Variants in CENPU observed in about 807,000 individuals in gnomAD.
CENPU encodes centromere protein U.
A neutral mutation model predicts 56.7 loss-of-function variants in CENPU; 46 were observed. The observed-to-expected ratio is 0.81, with a 90% confidence interval of 0.64 to 1.04. The LOEUF (loss-of-function observed/expected upper bound fraction) is 1.04. Ranked by LOEUF, CENPU falls within the 50% of genes least tolerant of loss-of-function variation. CENPU has a pLI of 0.00. For missense variants in CENPU, 510 were observed against 490.1 expected (o/e 1.04, Z -0.38); for synonymous variants, 166 against 163.0 (o/e 1.02, Z -0.14).
chr4:184,724,157 T>TC (rs1005212309), intron 4 of CENPU, among the ~76,000 whole-genome samples: 1 of 151,886 alleles, frequency 6.6e-6, no homozygotes, highest in Non-Finnish European at 1.5e-5. Context: ...TCCCAGCCAC[T>TC]CGGGAGGCTG....
chr4:184,709,039 A>G (rs1760828603), intron 8 of CENPU, among the ~76,000 whole-genome samples: 1 of 152,232 alleles, frequency 6.6e-6, no homozygotes. Context: ...AAGTAACAAT[A>G]TATCAACATA....
intron 3 of CENPU, among the ~76,000 whole-genome samples, chr4:184,728,552 G>C (rs1761532942): frequency 6.6e-6 from 1 of 152,126 alleles, no homozygotes; most frequent in African/African-American, 2.4e-5. Context: ...GCCTCCATGA[G>C]TTTAGGACAA....
At chr4:184,729,079 G>A in intron 2 of CENPU, 44 bp from the exon 3 acceptor site, 1 of 1,394,594 alleles carries the variant, frequency 7.2e-7, no homozygotes, top group Non-Finnish European at 1.0e-6. Context: ...CTCTCACAAA[G>A]AACAATAGGT....
Position 184,697,627 on chromosome 4 carries a change from A to G in CENPU, c.1143+20T>C, listed in dbSNP as rs770773855. On this transcript the variant is annotated intron_variant, in intron 12 of 12. Transcript: ENST00000281453. Reference sequence around the variant, plus strand: ...CACAATCATCTTCTGAAGCATGGTAAAAAGTAAAATTGGAGTTACCGTTTC... The same window carrying G: ...CACAATCATCTTCTGAAGCATGGTAGAAAGTAAAATTGGAGTTACCGTTTC... 1.9e-6 allele frequency: 3 copies of G among 1,610,930 alleles called. No individual in the cohort carries two copies. The Admixed American group carries it at 5.0e-5, about 27-fold the overall frequency.
intron 12 of CENPU, among the ~76,000 whole-genome samples, chr4:184,697,043 G>A (rs539251203): frequency 6.6e-6 from 1 of 152,008 alleles, no homozygotes; most frequent in South Asian, 2.1e-4. Context: ...ACCACACCTG[G>A]CTAGTTTTTG....
intron 8 of CENPU, among the ~76,000 whole-genome samples, chr4:184,709,565 CA>C (rs943000307): frequency 6.6e-6 from 1 of 151,110 alleles, no homozygotes; most frequent in Non-Finnish European, 1.5e-5. Context: ...AATTTTAAGA[CA>C]AAGTATGTTT....
At chr4:184,724,413 G>T (rs1454740713) in intron 4 of CENPU, among the ~76,000 whole-genome samples, 2 of 152,158 alleles carry the variant, frequency 1.3e-5, no homozygotes, top group Non-Finnish European at 2.9e-5. Context: ...GAGTACTACA[G>T]TTATCGAAGA....
At chr4:184,698,461 T>G (rs1225392761) in intron 11 of CENPU, 1 of 152,230 alleles carries the variant, frequency 6.6e-6, no homozygotes, top group Admixed American at 6.5e-5. Flanking sequence ...TTTTTGTTTG[T>G]TTTTTTGAGA....
At chr4:184,709,110 GACTGATAC>G (rs1209667372) in intron 8 of CENPU, among the ~76,000 whole-genome samples, 1 of 152,102 alleles carries the variant, frequency 6.6e-6, no homozygotes, top group African/African-American at 2.4e-5. Flanking sequence ...GAAATTCAAA[GACTGATAC>G]ACTGTATTTA....
In CENPU at chr4:184,728,841, A is replaced by C. The variant is rs543431781; in HGVS notation, c.214+77T>G. On this transcript the variant is annotated intron_variant, in intron 3 of 12. Transcript: ENST00000281453. Reference sequence around the variant, plus strand: ...GCAACTAATTTTTATATTTGAAGATACTTCTATTTTTTATTATATCTGGCC... The same window carrying C: ...GCAACTAATTTTTATATTTGAAGATCCTTCTATTTTTTATTATATCTGGCC... The C allele has an allele frequency of 8.9e-5, 89 of 996,674 alleles. No homozygotes were observed. The African/African-American group carries it at 1.2e-3, about 14-fold the overall frequency. The allele number at this position is 996,674 out of a possible 1,614,324, so 61.7% of individuals were successfully genotyped here.
At chr4:184,733,777 G>T (rs1019521279) in intron 1 of CENPU, among the ~76,000 whole-genome samples, 7 of 152,172 alleles carry the variant, frequency 4.6e-5, no homozygotes, top group Admixed American at 3.9e-4. Flanking sequence ...AAAACGACAC[G>T]ACACTGGCTG....
rs77407825 is a variant in CENPU at position 184,713,684 on chromosome 4, G to A, written c.619-671C>T. 2.4e-3 allele frequency among the ~76,000 whole-genome samples: 364 copies of A among 152,202 alleles called. 1 individual carries two copies. The highest frequency in any genetic ancestry group is 8.4e-3 in the African/African-American group (347 of 41,526). ...AAACAACCATAAAATGGGGGAATATGGGTGGCAATTTTATTCAGGCACTGG... is the reference window on the plus strand; with the variant it reads ...AAACAACCATAAAATGGGGGAATATAGGTGGCAATTTTATTCAGGCACTGG... On this transcript the variant is annotated intron_variant, in intron 6 of 12. Transcript: ENST00000281453.
rs1760386904 is a variant in CENPU at position 184,697,728 on chromosome 4, T to C, written c.1062A>G (p.Ala354=). The C allele has an allele frequency of 6.2e-7, 1 of 1,612,398 alleles. No homozygotes were observed. Among genetic ancestry groups the C allele is most frequent in the Admixed American group, 1.7e-5 (1 of 59,858 alleles). Residue 354 remains alanine, a synonymous_variant, in exon 12 of 13, where the codon GCA becomes GCG. Transcript: ENST00000281453. ...LKERKSSLRN[A]AYFLSNLKQL... ...GTTTTAAATTAGATAAGAAATATGCTGCATTCCTAAGGGAAGACTTTCTCT... is the reference window on the plus strand; with the variant it reads ...GTTTTAAATTAGATAAGAAATATGCCGCATTCCTAAGGGAAGACTTTCTCT...
chr4:184,700,849 A>C lies in CENPU; in HGVS notation c.957T>G (p.Arg319=). 1 of 1,613,914 alleles carries C rather than the reference A, an allele frequency of 6.2e-7. No homozygotes were observed. The change falls in exon 11 of 13, where the codon CGT becomes CGG. Residue 319 remains arginine, a synonymous_variant. Coordinates refer to ENST00000281453, the MANE Select transcript of CENPU (RefSeq NM_024629.4). Reference sequence around the variant, plus strand: ...GCAGTTCATCCTGGACTTCAATCATACGCTGCCTTTTCTTTTCGATATCTG... The same window carrying C: ...GCAGTTCATCCTGGACTTCAATCATCCGCTGCCTTTTCTTTTCGATATCTG... ...MISDIEKKRQ[R]MIEVQDELLR...
Position 184,694,599 on chromosome 4 carries a change from C to A in CENPU, c.*689G>T. 4 of 1,614,132 alleles carry A rather than the reference C, an allele frequency of 2.5e-6. No homozygotes were observed. The highest frequency in any genetic ancestry group is 3.4e-6 in the Non-Finnish European group (4 of 1,179,970). ...AGAATCCTCATAAACCATCACCTAG[C>A]AGGCTGTCAACAGGTGCATCTGCTG... On this transcript the variant is annotated 3_prime_UTR_variant, in exon 13 of 13. Coordinates refer to ENST00000281453, the MANE Select transcript of CENPU (RefSeq NM_024629.4).
intron 11 of CENPU, among the ~76,000 whole-genome samples, chr4:184,700,141 A>G (rs1413117329): frequency 2.6e-5 from 4 of 152,136 alleles, no homozygotes; most frequent in Admixed American, 2.0e-4. Flanking sequence ...CCTGGCCTCA[A>G]AACACACTTG....
At chr4:184,717,736 G>A (rs543670178) in intron 4 of CENPU, among the ~76,000 whole-genome samples, 1 of 152,316 alleles carries the variant, frequency 6.6e-6, no homozygotes, top group Admixed American at 6.5e-5. Context: ...CTAGTGGGAA[G>A]GCCAAAGATG....
At chr4:184,723,805 T>A (rs1761358710) in intron 4 of CENPU, among the ~76,000 whole-genome samples, 1 of 124,736 alleles carries the variant, frequency 8.0e-6, no homozygotes. Context: ...ATTGCGCCAC[T>A]GCACTCCAGC....
At position 184,699,968 on chromosome 4, in the gene CENPU, T is replaced by A. The variant is rs75075905; in HGVS notation, c.986+852A>T. 6.8e-3 allele frequency among the ~76,000 whole-genome samples: 1,039 copies of A among 152,346 alleles called. 16 individuals carry two copies. The highest frequency in any genetic ancestry group is 0.024 in the African/African-American group (1,010 of 41,578). ...CACCGTGCCCGGCCTAGCAGCCTCT[T>A]TTTTAAAACTTAGTTTTGAGTGAGT... On this transcript the variant is annotated intron_variant, in intron 11 of 12. Transcript: ENST00000281453.
Sources: gnomAD v4.1 joint callset for allele counts (sites outside exome capture counted in the v4.1 genomes callset) on GRCh38, gnomAD v4.1.1 for gene constraint, MANE v1.5 for transcripts, NCBI Gene and HGNC (gene_info 2026-07-23, HGNC 2026-07-21) for gene names.